SP140: variants seen among roughly 807,000 people sequenced by gnomAD.
The protein encoded by SP140 is nuclear body protein SP140.
Under a neutral mutation model 125.0 loss-of-function variants are expected in SP140, and 81 were observed. The observed-to-expected ratio is 0.65, with a 90% CI of 0.54 to 0.78. SP140 has a LOEUF of 0.78. SP140 is among the 30% of genes least tolerant of loss of function. SP140 has a pLI of 0.00. For synonymous variants in SP140, 312 were observed against 354.0 expected (o/e 0.88, Z 1.33); for missense variants, 858 against 1,037.0 (o/e 0.83, Z 2.37).
intron 22 of SP140, among the ~76,000 whole-genome samples, chr2:230,308,016 CAGAG>C (rs1197483963): frequency 7.9e-6 from 1 of 127,370 alleles, no homozygotes; most frequent in Non-Finnish European, 1.7e-5. Flanking sequence ...CACACACACA[CAGAG>C]ACACACACAC....
rs2048138525 is a variant in SP140 at position 230,237,301 on chromosome 2, C to A, written c.237+41C>A. 1.9e-6 allele frequency: 3 copies of A among 1,572,064 alleles called. No homozygotes were observed. Among genetic ancestry groups the A allele is most frequent in the South Asian group, 2.3e-5 (2 of 87,780 alleles). On this transcript the variant is annotated intron_variant, in intron 2 of 26. Coordinates refer to ENST00000392045, the MANE Select transcript of SP140 (RefSeq NM_007237.5). The surrounding 1 kb of genome is among the most constrained non-coding windows in gnomAD (Gnocchi z 5.4). ...CAAATGATGATAAACCAGGTCCATA[C>A]TCAATTATGCCAAACTTCAAGATGC... is the stretch of plus-strand genomic sequence containing the variant.
chr2:230,305,135 G>A (rs1202562027), intron 22 of SP140, among the ~76,000 whole-genome samples: 1 of 152,160 alleles, frequency 6.6e-6, no homozygotes, highest in Non-Finnish European at 1.5e-5. Flanking sequence ...TATACAAATG[G>A]CCAACGAACA....
At chr2:230,218,115 T>C (rs1477285473) in intron 3 of SP140, among the ~76,000 whole-genome samples, 2 of 152,246 alleles carry the variant, frequency 1.3e-5, no homozygotes, top group African/African-American at 4.8e-5. Context: ...CAAATGACAT[T>C]CTTGACAAAT....
intron 1 of SP140, chr2:230,213,134 T>C (rs2044678087): frequency 1.9e-6 from 2 of 1,078,514 alleles, no homozygotes; most frequent in East Asian, 4.8e-5. Flanking sequence ...CATGGAGCTA[T>C]TCATTGTCCC....
upstream of SP140, chr2:230,202,552 A>C (rs2043289658): frequency 1.2e-6 from 2 of 1,612,878 alleles, no homozygotes; most frequent in African/African-American, 2.7e-5. Flanking sequence ...GAGCCATTCA[A>C]ATGGCAGATT....
intron 1 of SP140, among the ~76,000 whole-genome samples, chr2:230,227,025 C>T (rs1184019066): frequency 6.6e-6 from 1 of 152,104 alleles, no homozygotes; most frequent in African/African-American, 2.4e-5. Flanking sequence ...GTAAATACTA[C>T]ACCTTTTATA....
At chr2:230,288,452 ACTATCTTTCTTTCTTT>A (rs1559337050) in intron 18 of SP140, among the ~76,000 whole-genome samples, 1 of 141,564 alleles carries the variant, frequency 7.1e-6, no homozygotes, top group African/African-American at 2.6e-5. Flanking sequence ...AATTAGGCCA[ACTATCTTTCTTTCTTT>A]CTTTCTTTCT....
upstream of SP140, among the ~76,000 whole-genome samples, chr2:230,201,487 A>T (rs1438735061): frequency 6.6e-6 from 1 of 152,238 alleles, no homozygotes; most frequent in Non-Finnish European, 1.5e-5. Context: ...GTACCAAAAA[A>T]AATAAAAATA....
intron 1 of SP140, among the ~76,000 whole-genome samples, chr2:230,204,645 C>T (rs1009642637): frequency 6.6e-6 from 1 of 151,050 alleles, no homozygotes; most frequent in Non-Finnish European, 1.5e-5. Flanking sequence ...CTAATTTGTG[C>T]CAGGACATTA....
upstream of SP140, chr2:230,221,845 A>G (rs2045846549): frequency 2.1e-6 from 2 of 962,548 alleles, no homozygotes; most frequent in African/African-American, 3.3e-5. Context: ...CAGGAGTGGG[A>G]AAATAAAGTC....
chr2:230,210,008 T>C (rs201061628), intron 1 of SP140: 7 of 1,585,030 alleles, frequency 4.4e-6, no homozygotes, highest in Non-Finnish European at 5.2e-6. Flanking sequence ...ATCTCTTATC[T>C]CTGACAAAAG....
chr2:230,207,458 C>A (rs1344853368), intron 1 of SP140, among the ~76,000 whole-genome samples: 4 of 152,178 alleles, frequency 2.6e-5, no homozygotes, highest in Non-Finnish European at 5.9e-5. Context: ...AGACCCTTTA[C>A]AGTTCTTGAC....
rs1309334447 is a variant in SP140, at chr2:230,237,360, G to A, written c.237+100G>A. 9.9e-7 allele frequency: 1 copy of A among 1,005,932 alleles called. No homozygotes were observed. The highest frequency in any genetic ancestry group is 1.5e-5 in the South Asian group (1 of 66,792). The allele number at this position is 1,005,932 out of a possible 1,614,324, so 62.3% of individuals were successfully genotyped here. A position where few individuals can be genotyped will look rare whatever the true frequency, so the allele number is the denominator to read the frequency against. ...GGCTAAAGGGCCTCCTGTGAGTGGG[G>A]ACCTTCACCATTCTGTAGGTTAGGA... On this transcript the variant is annotated intron_variant, in intron 2 of 26. Transcript: ENST00000392045. The surrounding 1 kb of genome is among the most constrained non-coding windows in gnomAD (Gnocchi z 5.4).
intron 18 of SP140, among the ~76,000 whole-genome samples, chr2:230,288,455 A>ATGTT (rs2056679467): frequency 8.1e-6 from 1 of 123,522 alleles, no homozygotes; most frequent in African/African-American, 3.1e-5. Context: ...TAGGCCAACT[A>ATGTT]TCTTTCTTTC....
intron 11 of SP140, among the ~76,000 whole-genome samples, chr2:230,254,911 C>G (rs1361809254): frequency 6.6e-6 from 1 of 152,214 alleles, no homozygotes; most frequent in Non-Finnish European, 1.5e-5. Context: ...CACACTTCCC[C>G]TGTACTATGT....
chr2:230,250,060 C>A (rs1056723891), intron 9 of SP140, among the ~76,000 whole-genome samples: 1 of 152,208 alleles, frequency 6.6e-6, no homozygotes, highest in African/African-American at 2.4e-5. Context: ...TCAGGAACTA[C>A]ACACATCCAA....
At chr2:230,221,516 G>A (rs528705031), upstream of SP140, among the ~76,000 whole-genome samples, 2 of 152,244 alleles carry the variant, frequency 1.3e-5, no homozygotes, top group East Asian at 3.9e-4. Flanking sequence ...TAGCAGACCC[G>A]GCCTTGCGGG....
chr2:230,228,898 T>C (rs557016931), intron 1 of SP140, among the ~76,000 whole-genome samples: 1 of 152,314 alleles, frequency 6.6e-6, no homozygotes, highest in African/African-American at 2.4e-5. Flanking sequence ...TTAAAGTGAT[T>C]ATTAATATAG....
At position 230,255,327 on chromosome 2, in the gene SP140, C is replaced by T. The variant is rs534260325; in HGVS notation, c.1160-125C>T. 4,017 of 1,062,568 alleles carry T rather than the reference C, an allele frequency of 3.8e-3. 39 individuals carry two copies. The highest frequency in any genetic ancestry group is 0.021 in the South Asian group (1,455 of 68,234). The allele number at this position is 1,062,568 out of a possible 1,614,324, so 65.8% of individuals were successfully genotyped here. A position where few individuals can be genotyped will look rare whatever the true frequency, so the allele number is the denominator to read the frequency against. ...GAACCCACAGGGCAGACCAGGAGGA[C>T]CTGGGTGGGGGACAGCCCTACCTGA... On this transcript the variant is annotated intron_variant, in intron 11 of 26. Transcript: ENST00000392045.
Sources: allele counts gnomAD v4.1 joint callset (sites outside exome capture counted in the v4.1 genomes callset), GRCh38; gene constraint gnomAD v4.1.1; non-coding constraint Gnocchi (gnomAD v3.1); transcripts MANE v1.5; gene names NCBI Gene and HGNC (gene_info 2026-07-23, HGNC 2026-07-21).